CDH22: variants seen among roughly 807,000 people sequenced by gnomAD.
The protein encoded by CDH22 is cadherin-22.
In CDH22, 30 loss-of-function variants were observed where a neutral mutation model predicts 58.4. That is an observed-to-expected ratio of 0.51 (90% CI 0.38 to 0.70). The LOEUF (loss-of-function observed/expected upper bound fraction) is 0.70, where lower values mean the gene tolerates loss of function less well. Among genes scored for constraint, CDH22 ranks in the 30% least tolerant of loss-of-function variants. CDH22 has a pLI of 0.00. For missense variants in CDH22, 1,014 were observed against 1,233.9 expected (o/e 0.82, Z 2.67); for synonymous variants, 513 against 558.2 (o/e 0.92, Z 1.14).
At chr20:46,242,197 C>T (rs2086295193) in intron 2 of CDH22, among the ~76,000 whole-genome samples, 1 of 152,152 alleles carries the variant, frequency 6.6e-6, no homozygotes, top group African/African-American at 2.4e-5. Flanking sequence ...GTTTTTCTAT[C>T]TTTATTTTAC....
In CDH22 at chr20:46,241,599, C is replaced by A. The variant is rs2086290652; in HGVS notation, c.256-342G>T. ...GAAGTCCAGCACCACCTCCACACCT[C>A]TCTCCCCTTTAGCACGCACAGCTCT... On this transcript the variant is annotated intron_variant, in intron 2 of 11. Transcript: ENST00000537909. This position sits in a 1 kb window ranked among gnomAD's most constrained non-coding sequence, Gnocchi z 5.2. Among the ~76,000 whole-genome samples the A allele has an allele frequency of 6.6e-6, 1 of 152,216 alleles. No individual in the cohort carries two copies. Among genetic ancestry groups the A allele is most frequent in the Non-Finnish European group, 1.5e-5 (1 of 68,038 alleles).
chr20:46,272,280 G>T (rs906724116), intron 1 of CDH22, among the ~76,000 whole-genome samples: 1 of 152,238 alleles, frequency 6.6e-6, no homozygotes. Flanking sequence ...GGGAGGAAGA[G>T]TTGGGGAGGC....
chr20:46,188,439 T>G (rs1053522683), intron 8 of CDH22, among the ~76,000 whole-genome samples: 19 of 152,176 alleles, frequency 1.2e-4, no homozygotes, highest in African/African-American at 4.6e-4. Flanking sequence ...ACGCTAAGCA[T>G]GTGAGAGTTA....
At position 46,210,773 on chromosome 20, in the gene CDH22, T is replaced by C. The variant is rs2086037673; in HGVS notation, c.1033-213A>G. Among the ~76,000 whole-genome samples the C allele has an allele frequency of 6.6e-6, 1 of 152,188 alleles. No individual in the cohort carries two copies. The highest frequency in any genetic ancestry group is 2.1e-4 in the South Asian group (1 of 4,832). ...GAGGATCCTCGAGGACAGTCTTGCC[T>C]AAGGACACAGCCACTCCAGGCTAAC... is the stretch of plus-strand genomic sequence containing the variant. On this transcript the variant is annotated intron_variant, in intron 6 of 11. Coordinates refer to ENST00000537909, the MANE Select transcript of CDH22 (RefSeq NM_021248.3). This position sits in a 1 kb window ranked among gnomAD's most constrained non-coding sequence, Gnocchi z 4.5.
chr20:46,233,315 G>C (rs377548322), intron 3 of CDH22, among the ~76,000 whole-genome samples: 12 of 152,182 alleles, frequency 7.9e-5, no homozygotes, highest in Non-Finnish European at 1.3e-4. Flanking sequence ...CTGACTGTGT[G>C]TGTGTGGATC....
At chr20:46,247,028 G>C (rs956083145) in intron 2 of CDH22, among the ~76,000 whole-genome samples, 1 of 128,382 alleles carries the variant, frequency 7.8e-6, no homozygotes, top group Admixed American at 7.8e-5. Flanking sequence ...TGGGGGGTGG[G>C]GTGGGCTAAT....
intron 1 of CDH22, among the ~76,000 whole-genome samples, chr20:46,277,867 T>A (rs2086527724): frequency 4.0e-5 from 6 of 151,612 alleles, no homozygotes; most frequent in Non-Finnish European, 8.8e-5. Context: ...TAAGTTGGGC[T>A]TTGAAGGGAA....
In CDH22 at chr20:46,300,750, G is replaced by C. The variant is rs2064937811; in HGVS notation, c.-400+7505C>G. ...TGGCCCCAAGGGGCTTCTACTTGAG[G>C]AATCTGGTGAGCGCCACACGACTCC... On this transcript the variant is annotated intron_variant, in intron 1 of 11. Coordinates refer to ENST00000537909, the MANE Select transcript of CDH22 (RefSeq NM_021248.3). This position sits in a 1 kb window ranked among gnomAD's most constrained non-coding sequence, Gnocchi z 4.4. Among the ~76,000 whole-genome samples, 1 of 152,202 alleles carries C rather than the reference G, an allele frequency of 6.6e-6. No individual in the cohort carries two copies. The highest frequency in any genetic ancestry group is 2.4e-5 in the African/African-American group (1 of 41,446).
intron 11 of CDH22, among the ~76,000 whole-genome samples, chr20:46,177,663 C>G (rs969004770): frequency 2.6e-5 from 4 of 152,128 alleles, no homozygotes; most frequent in Non-Finnish European, 4.4e-5. Flanking sequence ...AAAAAAGGAC[C>G]ATTCACATGA....
At chr20:46,232,786 G>T (rs1490739627) in intron 3 of CDH22, among the ~76,000 whole-genome samples, 1 of 152,110 alleles carries the variant, frequency 6.6e-6, no homozygotes, top group Non-Finnish European at 1.5e-5. Flanking sequence ...CTCCCTCTTC[G>T]ATCATCACTT....
At chr20:46,236,712 A>G (rs1386858846) in intron 3 of CDH22, among the ~76,000 whole-genome samples, 7 of 143,656 alleles carry the variant, frequency 4.9e-5, no homozygotes, top group African/African-American at 1.3e-4. Context: ...GAGAGAGAGA[A>G]AGAGAGTCTT....
At chr20:46,200,579 G>A (rs1015899131) in intron 7 of CDH22, among the ~76,000 whole-genome samples, 3 of 151,948 alleles carry the variant, frequency 2.0e-5, no homozygotes, top group African/African-American at 4.8e-5. Flanking sequence ...ACTGCACCCT[G>A]CCGATTCTTA....
intron 8 of CDH22, among the ~76,000 whole-genome samples, chr20:46,189,283 G>T (rs781211870): frequency 5.9e-5 from 9 of 152,208 alleles, no homozygotes; most frequent in Non-Finnish European, 7.3e-5. Flanking sequence ...AGTCGTGACT[G>T]GGAATGCCGG....
At chr20:46,246,054 T>A (rs1000648524) in intron 2 of CDH22, among the ~76,000 whole-genome samples, 1 of 152,270 alleles carries the variant, frequency 6.6e-6, no homozygotes, top group East Asian at 1.9e-4. Flanking sequence ...ACAAGAGCGA[T>A]GTTTTCTCAT....
chr20:46,222,311 T>G (rs867730374), intron 4 of CDH22, among the ~76,000 whole-genome samples: 1 of 152,212 alleles, frequency 6.6e-6, no homozygotes, highest in Non-Finnish European at 1.5e-5. Context: ...ACGTTTTGAC[T>G]GGCTGACTCC....
At chr20:46,243,424 G>T (rs1422378851) in intron 2 of CDH22, among the ~76,000 whole-genome samples, 1 of 152,162 alleles carries the variant, frequency 6.6e-6, no homozygotes, top group Non-Finnish European at 1.5e-5. Flanking sequence ...AAACTTTCCG[G>T]GTCCCCATCC....
rs904996525 is a variant in CDH22, at chr20:46,209,827, G to GA, written c.1286+479_1286+480insT. 200 of 153,402 alleles carry GA rather than the reference G, an allele frequency of 1.3e-3. 1 individual carries two copies. Among genetic ancestry groups the GA allele is most frequent in the Non-Finnish European group, 1.6e-3 (111 of 69,836 alleles). The allele number at this position is 153,402 out of a possible 1,614,324, so 9.5% of individuals were successfully genotyped here. A position where few individuals can be genotyped will look rare whatever the true frequency, so the allele number is the denominator to read the frequency against. On this transcript the variant is annotated intron_variant, in intron 7 of 11. Transcript: ENST00000537909. ...GAGATAACGGCAGGCAAACTGGTGG[G>GA]TTTTTTTTTTCTTTTGATGGAGAGA...
intron 1 of CDH22, among the ~76,000 whole-genome samples, chr20:46,255,507 G>C (rs1391274014): frequency 6.6e-6 from 1 of 152,204 alleles, no homozygotes; most frequent in African/African-American, 2.4e-5. Flanking sequence ...AGCCTGCCCC[G>C]CCTTGTGAGG....
intron 1 of CDH22, among the ~76,000 whole-genome samples, chr20:46,256,643 G>A (rs2086408093): frequency 6.6e-6 from 1 of 152,154 alleles, no homozygotes; most frequent in Admixed American, 6.5e-5. Context: ...ATTTTTCTGT[G>A]AGTGAGATGA....
Sources: gnomAD v4.1 joint callset for allele counts (sites outside exome capture counted in the v4.1 genomes callset) on GRCh38, gnomAD v4.1.1 for gene constraint, Gnocchi (gnomAD v3.1) non-coding constraint, MANE v1.5 for transcripts, NCBI Gene and HGNC (gene_info 2026-07-23, HGNC 2026-07-21) for gene names.